The following COG5 variants were observed in gnomAD, a reference collection of about 807,000 sequenced individuals.
The protein encoded by COG5 is component of oligomeric golgi complex 5.
COG5 carries 86 observed loss-of-function variants against 110.4 expected under a neutral mutation model. That is an observed-to-expected ratio of 0.78 (90% CI 0.65 to 0.93). The LOEUF (loss-of-function observed/expected upper bound fraction) is 0.93, where lower values mean the gene tolerates loss of function less well. Ranked by LOEUF, COG5 falls within the 40% of genes least tolerant of loss-of-function variation. The pLI is 0.00. For synonymous variants in COG5, 360 were observed against 334.6 expected (o/e 1.08, Z -0.83); for missense variants, 1,077 against 987.0 (o/e 1.09, Z -1.22).
chr7:107,398,662 T>C (rs908136048), intron 7 of COG5, among the ~76,000 whole-genome samples: 4 of 152,180 alleles, frequency 2.6e-5, no homozygotes, highest in African/African-American at 7.2e-5. Flanking sequence ...AAATGGATCA[T>C]TCTAAATAAA....
chr7:107,531,645 G>T (rs1801208213), intron 5 of COG5, among the ~76,000 whole-genome samples: 1 of 149,208 alleles, frequency 6.7e-6, no homozygotes, highest in African/African-American at 2.5e-5. Flanking sequence ...GAGGGCGGGG[G>T]GGAGGTGGGT....
At position 107,527,307 on chromosome 7, in the gene COG5, CTT is replaced by C. The variant is rs750297914; in HGVS notation, c.466_467del (p.Lys156GlufsTer11). 8 of 1,612,980 alleles carry C rather than the reference CTT, an allele frequency of 5.0e-6. No individual in the cohort carries two copies. The East Asian group carries it at 1.8e-4, about 36-fold the overall frequency. Reference sequence around the variant, plus strand: ...CCCCTTGCAGTTGTCCTTGGAGTCTCTTACTGAGATTCAAGATACGAATAATC... The same window carrying C: ...CCCCTTGCAGTTGTCCTTGGAGTCTCACTGAGATTCAAGATACGAATAATC... ...RRIIRILNLS[K>X]RLQGQLQGGS... On this transcript the variant is annotated frameshift_variant, in exon 6 of 22. Transcript: ENST00000297135. LOFTEE classifies it high-confidence loss of function.
chr7:107,212,761 G>A (rs1420669624), intron 19 of COG5, among the ~76,000 whole-genome samples: 2 of 152,188 alleles, frequency 1.3e-5, no homozygotes, highest in African/African-American at 2.4e-5. Context: ...ACTTGGGAAT[G>A]AGAATGAAAA....
At chr7:107,519,624 A>G (rs532890648) in intron 6 of COG5, among the ~76,000 whole-genome samples, 4 of 152,312 alleles carry the variant, frequency 2.6e-5, no homozygotes, top group Admixed American at 6.5e-5. Flanking sequence ...ATAGACTAAT[A>G]ACAAGTCCCA....
At chr7:107,344,705 G>A (rs59900773) in intron 10 of COG5, among the ~76,000 whole-genome samples, 24,389 of 151,868 alleles carry the variant, frequency 0.16, 2,345 homozygotes, top group Non-Finnish European at 0.22. Flanking sequence ...TGTATTTTTC[G>A]TAGAGATGGG....
chr7:107,403,779 A>C (rs1450535937), intron 7 of COG5, among the ~76,000 whole-genome samples: 5 of 152,154 alleles, frequency 3.3e-5, no homozygotes, highest in African/African-American at 1.2e-4. Flanking sequence ...CCGACCTCCA[A>C]ATAACATAAT....
At chr7:107,319,074 T>C (rs1258399897) in intron 11 of COG5, among the ~76,000 whole-genome samples, 2 of 152,222 alleles carry the variant, frequency 1.3e-5, no homozygotes, top group African/African-American at 2.4e-5. Context: ...ATTATGTCTA[T>C]GGCTGTATCT....
intron 10 of COG5, among the ~76,000 whole-genome samples, chr7:107,353,322 G>A (rs889910317): frequency 2.0e-5 from 3 of 151,304 alleles, no homozygotes; most frequent in Non-Finnish European, 4.4e-5. Flanking sequence ...CTACTTGGGA[G>A]GCTGAGGCAG....
intron 14 of COG5, among the ~76,000 whole-genome samples, chr7:107,275,426 T>A (rs963892938): frequency 6.6e-6 from 1 of 151,902 alleles, no homozygotes; most frequent in African/African-American, 2.4e-5. Flanking sequence ...TAAAAACTCT[T>A]CCAAGTGATT....
intron 7 of COG5, among the ~76,000 whole-genome samples, chr7:107,395,052 A>AT: frequency 6.6e-6 from 1 of 152,354 alleles, no homozygotes; most frequent in African/African-American, 2.4e-5. Flanking sequence ...ACTCTGACTT[A>AT]TGATAAAGAC....
rs1798486114 is a variant in COG5 at position 107,203,210 on chromosome 7, G to T, written c.*306C>A. ...CCCTTTAAAAGAAGTGGGGACTTTG[G>T]GTTTATGTACCCATAGGAGGACTTG... On this transcript the variant is annotated 3_prime_UTR_variant, in exon 22 of 22. Transcript: ENST00000297135. 1.5e-5 allele frequency: 6 copies of T among 394,144 alleles called. No homozygotes were observed. The highest frequency in any genetic ancestry group is 1.2e-4 in the South Asian group (5 of 42,394). The allele number at this position is 394,144 out of a possible 1,614,324, so 24.4% of individuals were successfully genotyped here. A position where few individuals can be genotyped will look rare whatever the true frequency, so the allele number is the denominator to read the frequency against.
At chr7:107,509,656 G>A (rs1279365786) in intron 6 of COG5, among the ~76,000 whole-genome samples, 5 of 152,078 alleles carry the variant, frequency 3.3e-5, no homozygotes, top group African/African-American at 1.2e-4. Flanking sequence ...GAGAAAGGTC[G>A]GGTTACCCAC....
intron 11 of COG5, among the ~76,000 whole-genome samples, chr7:107,313,309 A>T (rs1051510898): frequency 1.3e-5 from 2 of 152,208 alleles, no homozygotes; most frequent in African/African-American, 4.8e-5. Flanking sequence ...CCAATCCTAG[A>T]GTGAACTGAA....
At chr7:107,346,912 AC>A (rs1811664684) in intron 10 of COG5, among the ~76,000 whole-genome samples, 2 of 152,176 alleles carry the variant, frequency 1.3e-5, no homozygotes. Context: ...GAGGATATTA[AC>A]CCATTTGTGT....
intron 6 of COG5, among the ~76,000 whole-genome samples, chr7:107,455,943 A>G (rs1373206901): frequency 2.6e-5 from 4 of 151,210 alleles, no homozygotes; most frequent in Middle Eastern, 3.4e-3. Context: ...ACAGACACGC[A>G]CCACCACACC....
intron 6 of COG5, among the ~76,000 whole-genome samples, chr7:107,459,178 AAAAC>A (rs1395985793): frequency 6.6e-6 from 1 of 152,056 alleles, no homozygotes; most frequent in Non-Finnish European, 1.5e-5. Context: ...TTAAAAAGCA[AAAAC>A]AAACCATTAT....
chr7:107,204,142 G>A (rs1798574363), intron 21 of COG5, among the ~76,000 whole-genome samples: 1 of 152,188 alleles, frequency 6.6e-6, no homozygotes, highest in East Asian at 1.9e-4. Flanking sequence ...CTCTTGGGCT[G>A]TAATGGCAAA....
In COG5 at chr7:107,523,199, T is replaced by C. The variant is rs117831816; in HGVS notation, c.538+4038A>G. 2.0e-3 allele frequency among the ~76,000 whole-genome samples: 306 copies of C among 152,318 alleles called. 2 individuals are homozygous for C. The highest frequency in any genetic ancestry group is 0.011 in the South Asian group (53 of 4,832). ...CTTCTTTGTTCTCAACAATATTTTG[T>C]AGTTTTCAGTGTACAGGTTTTACAC... On this transcript the variant is annotated intron_variant, in intron 6 of 21. Coordinates refer to ENST00000297135, the MANE Select transcript of COG5 (RefSeq NM_006348.5).
At chr7:107,479,994 T>C (rs939707842) in intron 6 of COG5, among the ~76,000 whole-genome samples, 6 of 152,148 alleles carry the variant, frequency 3.9e-5, no homozygotes, top group Non-Finnish European at 5.9e-5. Context: ...CATCCAACTC[T>C]TTATAAACAT....
Sources: allele counts gnomAD v4.1 joint callset (sites outside exome capture counted in the v4.1 genomes callset), GRCh38; gene constraint gnomAD v4.1.1; transcripts MANE v1.5; gene names NCBI Gene and HGNC (gene_info 2026-07-23, HGNC 2026-07-21).